The following SPTLC2 variants were observed in gnomAD, a reference collection of about 807,000 sequenced individuals.
SPTLC2 encodes serine palmitoyltransferase 2.
A neutral mutation model predicts 62.0 loss-of-function variants in SPTLC2; 21 were observed. The observed-to-expected ratio is 0.34, with a 90% CI of 0.24 to 0.49. The LOEUF is 0.49. SPTLC2 is among the 20% of genes least tolerant of loss of function. The probability of loss-of-function intolerance (pLI) is 0.99; values close to 1 mark genes in which losing one functional copy is unlikely to be tolerated. For synonymous variants in SPTLC2, 261 were observed against 261.8 expected (o/e 1.00, Z 0.03); for missense variants, 511 against 713.0 (o/e 0.72, Z 3.23).
chr14:77,593,539 G>A (rs1007056581), intron 2 of SPTLC2, among the ~76,000 whole-genome samples: 1 of 152,166 alleles, frequency 6.6e-6, no homozygotes, highest in Non-Finnish European at 1.5e-5. Context: ...ACGAATAACA[G>A]AGGATTAAGG....
chr14:77,535,697 A>G (rs937045645), intron 9 of SPTLC2: 6 of 251,992 alleles, frequency 2.4e-5, no homozygotes, highest in Non-Finnish European at 4.7e-5. Context: ...GACTCATAAA[A>G]TTTTACTGGA....
rs1276042729 is a variant in SPTLC2, at chr14:77,518,193, A to T, written c.1440-26T>A. ...CTGCAAAGGGGAAAACAAGAACAGAAACCAGGAGGAGTGAAAAAGCACTCA... is the reference window on the plus strand; with the variant it reads ...CTGCAAAGGGGAAAACAAGAACAGATACCAGGAGGAGTGAAAAAGCACTCA... On this transcript the variant is annotated intron_variant, in intron 10 of 11. Transcript: ENST00000216484. 10 of 1,613,810 alleles carry T rather than the reference A, an allele frequency of 6.2e-6. No homozygotes were observed. The Admixed American group carries it at 1.3e-4, about 22-fold the overall frequency.
intron 10 of SPTLC2, 28 bp downstream of exon 10, chr14:77,521,418 C>T: frequency 6.2e-7 from 1 of 1,614,134 alleles, no homozygotes; most frequent in Non-Finnish European, 8.5e-7. Flanking sequence ...TAAGGACAGA[C>T]TGGTCTGTGA....
chr14:77,559,563 A>G (rs2079603783), intron 6 of SPTLC2, among the ~76,000 whole-genome samples: 1 of 152,200 alleles, frequency 6.6e-6, no homozygotes, highest in South Asian at 2.1e-4. Flanking sequence ...ATGAGTCTGT[A>G]CAGGAAGACA....
intron 1 of SPTLC2, among the ~76,000 whole-genome samples, chr14:77,615,074 CTATACCACAACAATTTT>C (rs1263762937): frequency 1.3e-5 from 2 of 152,120 alleles, no homozygotes; most frequent in African/African-American, 2.4e-5. Flanking sequence ...CTATTACATT[CTATACCACAACAATTTT>C]GTCTTATAAG....
At chr14:77,513,665 A>G (rs11159270) in intron 11 of SPTLC2, among the ~76,000 whole-genome samples, 130,587 of 152,022 alleles carry the variant, frequency 0.86, 57,062 homozygotes, top group East Asian at 1. Flanking sequence ...GGAGGCTGAG[A>G]TGGGCAGATC....
chr14:77,569,298 T>A (rs1288937333), intron 5 of SPTLC2, among the ~76,000 whole-genome samples: 3 of 152,238 alleles, frequency 2.0e-5, no homozygotes, highest in Non-Finnish European at 4.4e-5. Context: ...TACTTAATTT[T>A]ATCCGACAAT....
At position 77,528,357 on chromosome 14, in the gene SPTLC2, G is replaced by A. The variant is rs761747561; in HGVS notation, c.1304-6776C>T. On this transcript the variant is annotated intron_variant, in intron 9 of 11. Coordinates refer to ENST00000216484, the MANE Select transcript of SPTLC2 (RefSeq NM_004863.4). ...GGCAATTCTCCTGACTCAGCCTCCC[G>A]AGTAGCTGGGATTACAGGCATGTGC... Among the ~76,000 whole-genome samples, 61 of 152,006 alleles carry A rather than the reference G, an allele frequency of 4.0e-4. No homozygotes were observed. In the Middle Eastern group the frequency reaches 0.024, roughly 59 times the overall value.
At chr14:77,530,922 CA>C (rs1434887526) in intron 9 of SPTLC2, among the ~76,000 whole-genome samples, 9 of 152,264 alleles carry the variant, frequency 5.9e-5, no homozygotes, top group Non-Finnish European at 1.3e-4. Flanking sequence ...AAATAATCAA[CA>C]ATGCACGTTG....
chr14:77,580,773 T>C (rs1242690697), intron 2 of SPTLC2, among the ~76,000 whole-genome samples: 2 of 152,052 alleles, frequency 1.3e-5, no homozygotes, highest in East Asian at 3.9e-4. Context: ...GTCCCAACAC[T>C]TGGGAGGCTA....
chr14:77,526,300 G>T (rs1338532832), intron 9 of SPTLC2, among the ~76,000 whole-genome samples: 2 of 151,744 alleles, frequency 1.3e-5, no homozygotes, highest in Non-Finnish European at 2.9e-5. Flanking sequence ...GTTTCAGCAA[G>T]TATCTGGTCT....
rs79406235 is a variant in SPTLC2, at chr14:77,599,007, G to A, written c.133-1627C>T. ...ACAAGGGGAAAAATTGTTAGTAACT[G>A]ACATGAATTTTTCTGTCCCCCTTCA... On this transcript the variant is annotated intron_variant, in intron 1 of 11. Transcript: ENST00000216484. Among the ~76,000 whole-genome samples, 1,470 of 151,940 alleles carry A rather than the reference G, an allele frequency of 9.7e-3. 22 individuals carry two copies. The highest frequency in any genetic ancestry group is 0.034 in the African/African-American group (1,402 of 41,410).
chr14:77,576,334 C>T (rs1390022756), intron 4 of SPTLC2, among the ~76,000 whole-genome samples: 6 of 152,170 alleles, frequency 3.9e-5, no homozygotes, highest in Non-Finnish European at 8.8e-5. Flanking sequence ...GTTCCAAGTA[C>T]TCTACATGGA....
Position 77,578,824 on chromosome 14 carries a change from G to A in SPTLC2, c.482+131C>T, listed in dbSNP as rs527651565. On this transcript the variant is annotated intron_variant, in intron 3 of 11. Transcript: ENST00000216484. ...AGCTCAACAATGAAGAATATGTAAG[G>A]AAACCAATCATATTGTATCCTCAGC... 1,650 of 919,602 alleles carry A rather than the reference G, an allele frequency of 1.8e-3. 5 individuals are homozygous for A. The highest frequency in any genetic ancestry group is 2.4e-3 in the Non-Finnish European group (1,422 of 586,418). 57.0% of individuals were successfully genotyped at this position (919,602 alleles called of 1,614,324 possible).
chr14:77,582,533 T>C (rs2079757770), intron 2 of SPTLC2, among the ~76,000 whole-genome samples: 1 of 152,102 alleles, frequency 6.6e-6, no homozygotes, highest in Admixed American at 6.5e-5. Context: ...AGAGGGATTA[T>C]CAAACCCCAA....
intron 9 of SPTLC2, among the ~76,000 whole-genome samples, chr14:77,541,209 T>C (rs1272257490): frequency 6.9e-6 from 1 of 145,006 alleles, no homozygotes; most frequent in African/African-American, 2.7e-5. Context: ...TTGTATTTTA[T>C]TTTATTTTTT....
chr14:77,609,365 C>G (rs1007534450), intron 1 of SPTLC2, among the ~76,000 whole-genome samples: 7 of 152,210 alleles, frequency 4.6e-5, no homozygotes, highest in Middle Eastern at 3.4e-3. Flanking sequence ...TGAATAATAT[C>G]CTTTTATATG....
chr14:77,513,551 G>T (rs150696946), intron 11 of SPTLC2, among the ~76,000 whole-genome samples: 38 of 152,206 alleles, frequency 2.5e-4, no homozygotes, highest in African/African-American at 7.9e-4. Context: ...AGAACCCATC[G>T]ACCATTTATT....
chr14:77,600,149 TTCATAC>T (rs1443346680), intron 1 of SPTLC2, among the ~76,000 whole-genome samples: 19 of 152,318 alleles, frequency 1.2e-4, no homozygotes, highest in African/African-American at 4.3e-4. Context: ...ATCAGGTCAA[TTCATAC>T]TGTAGGCTGG....
Sources: allele counts gnomAD v4.1 joint callset (sites outside exome capture counted in the v4.1 genomes callset), GRCh38; gene constraint gnomAD v4.1.1; transcripts MANE v1.5; gene names NCBI Gene and HGNC (gene_info 2026-07-23, HGNC 2026-07-21).